The following ITGA8 variants were observed in gnomAD, a reference collection of about 807,000 sequenced individuals.
ITGA8 encodes the protein integrin alpha-8.
Under a neutral mutation model 142.3 loss-of-function variants are expected in ITGA8, and 91 were observed. That is an observed-to-expected ratio of 0.64 (90% CI 0.54 to 0.76). The LOEUF (loss-of-function observed/expected upper bound fraction) is 0.76, where lower values mean the gene tolerates loss of function less well. ITGA8 is among the 30% of genes least tolerant of loss of function. ITGA8 has a pLI of 0.00. For missense variants in ITGA8, 1,406 were observed against 1,327.7 expected (o/e 1.06, Z -0.92); for synonymous variants, 505 against 485.2 (o/e 1.04, Z -0.54).
At chr10:15,694,323 GATAATATATCATA>G (rs1416555572) in intron 2 of ITGA8, among the ~76,000 whole-genome samples, 17 of 124,806 alleles carry the variant, frequency 1.4e-4, no homozygotes, top group African/African-American at 5.2e-4. Flanking sequence ...TCATATATAT[GATAATATATCATA>G]TATCAGATAA....
At chr10:15,667,475 G>T in intron 8 of ITGA8, among the ~76,000 whole-genome samples, 1 of 151,904 alleles carries the variant, frequency 6.6e-6, no homozygotes, top group East Asian at 1.9e-4. Context: ...ACCAGCTCCT[G>T]GATTCATTAA....
chr10:15,675,015 TA>T (rs937330193), intron 6 of ITGA8, among the ~76,000 whole-genome samples: 8 of 152,008 alleles, frequency 5.3e-5, no homozygotes, highest in African/African-American at 1.9e-4. Flanking sequence ...TTTCTTCCAT[TA>T]AAAAAATTCC....
chr10:15,602,304 T>A (rs564601755), intron 20 of ITGA8, among the ~76,000 whole-genome samples: 1 of 152,350 alleles, frequency 6.6e-6, no homozygotes, highest in South Asian at 2.1e-4. Context: ...TTGTAGAGAT[T>A]TTATTATGAA....
chr10:15,550,431 C>G (rs778908068), intron 26 of ITGA8, among the ~76,000 whole-genome samples: 1 of 152,182 alleles, frequency 6.6e-6, no homozygotes, highest in African/African-American at 2.4e-5. Flanking sequence ...CTGTGTACCA[C>G]TAACCCTGCC....
intron 2 of ITGA8, among the ~76,000 whole-genome samples, chr10:15,696,178 G>C (rs1204249708): frequency 1.3e-5 from 2 of 152,232 alleles, no homozygotes; most frequent in Admixed American, 1.3e-4. Flanking sequence ...GAACGCAAAA[G>C]GACCAGTGGT....
chr10:15,627,892 C>T (rs4748189), intron 13 of ITGA8, among the ~76,000 whole-genome samples: 33,600 of 151,872 alleles, frequency 0.22, 3,975 homozygotes, highest in Admixed American at 0.32. Context: ...ATACAGGTCA[C>T]AAAGACCTTG....
chr10:15,552,698 G>A (rs1344018480), intron 26 of ITGA8, among the ~76,000 whole-genome samples: 1 of 151,928 alleles, frequency 6.6e-6, no homozygotes, highest in Non-Finnish European at 1.5e-5. Context: ...CCTCACCCCC[G>A]GGCAGGCCCC....
intron 2 of ITGA8, among the ~76,000 whole-genome samples, chr10:15,691,985 A>G (rs1007356573): frequency 1.3e-5 from 2 of 152,190 alleles, no homozygotes; most frequent in African/African-American, 4.8e-5. Flanking sequence ...TACCCAGGCT[A>G]GAATGCAGTG....
Position 15,718,861 on chromosome 10 carries a change from C to T in ITGA8, c.248G>A (p.Ser83Asn), listed in dbSNP as rs767952807. 13 of 1,613,996 alleles carry T rather than the reference C, an allele frequency of 8.1e-6. No homozygotes were observed. Among genetic ancestry groups the T allele is most frequent in the South Asian group, 1.1e-5 (1 of 91,074 alleles). ...VLVGAPKANTSQPDIVEGGAV... is the reference protein window; with the variant it reads ...VLVGAPKANTNQPDIVEGGAV... ...TCCCCCTTCCACGATATCGGGCTGG[C>T]TGGTGTTGGCTTTGGGCGCCCCCAC... Residue 83 changes from serine (S) to asparagine (N), a missense_variant, in exon 2 of 30, where the codon AGC becomes AAC. Transcript: ENST00000378076.
chr10:15,528,453 C>T (rs535778651), intron 28 of ITGA8, among the ~76,000 whole-genome samples: 58 of 151,834 alleles, frequency 3.8e-4, no homozygotes, highest in African/African-American at 1.4e-3. Context: ...GGATCTTTTC[C>T]CAATAACCTT....
At chr10:15,645,172 G>A (rs1456512547) in intron 12 of ITGA8, among the ~76,000 whole-genome samples, 3 of 150,986 alleles carry the variant, frequency 2.0e-5, no homozygotes, top group Non-Finnish European at 4.4e-5. Context: ...CTTGTGTCAG[G>A]CGAAAAGGAA....
intron 13 of ITGA8, among the ~76,000 whole-genome samples, chr10:15,626,596 T>C (rs1405767313): frequency 2.6e-5 from 4 of 152,122 alleles, no homozygotes; most frequent in Non-Finnish European, 4.4e-5. Context: ...TCGATTCCCT[T>C]GTCGTGAAAC....
Position 15,719,669 on chromosome 10 carries a change from CG to C in ITGA8, c.102del (p.Ala35ProfsTer106). On this transcript the variant is annotated frameshift_variant, in exon 1 of 30. Transcript: ENST00000378076. LOFTEE classifies it high-confidence loss of function. ...AAALGMLLWS[P>X]ACQAFNLDVE... ...ACGTCCAGGTTGAACGCCTGACAGG[CG>C]GGGGACCACAGCAACATCCCCAGCG... 1.3e-6 allele frequency: 2 copies of C among 1,505,968 alleles called. No individual in the cohort carries two copies. The highest frequency in any genetic ancestry group is 8.8e-7 in the Non-Finnish European group (1 of 1,137,928). 93.3% of individuals were successfully genotyped at this position (1,505,968 alleles called of 1,614,324 possible).
chr10:15,675,436 T>G (rs1564403896), intron 6 of ITGA8, among the ~76,000 whole-genome samples: 1 of 152,228 alleles, frequency 6.6e-6, no homozygotes, highest in Non-Finnish European at 1.5e-5. Context: ...AGGCTGCTTA[T>G]TTTGCCTCCA....
intron 21 of ITGA8, 39 bp from the exon 22 acceptor site, chr10:15,592,343 C>A: frequency 7.1e-7 from 1 of 1,412,804 alleles, no homozygotes. Flanking sequence ...GTAGCTTGTA[C>A]ACAACATAAA....
At chr10:15,646,421 AAC>A (rs1833981529) in intron 12 of ITGA8, among the ~76,000 whole-genome samples, 1 of 152,206 alleles carries the variant, frequency 6.6e-6, no homozygotes, top group Non-Finnish European at 1.5e-5. Flanking sequence ...AAAATGTAGT[AAC>A]ACCCTCAAAC....
At position 15,531,132 on chromosome 10, in the gene ITGA8, G is replaced by A. The variant is rs755327392; in HGVS notation, c.2900C>T (p.Ala967Val). ...TFLQRKNDPY[A>V]LASLVSFEVK... is the part of the protein sequence containing the mutation. Reference sequence around the variant, plus strand: ...TTCAAAGGACACCAGGGATGCAAGAGCATAGGGATCATTTTTTCTCTGAAA... The same window carrying A: ...TTCAAAGGACACCAGGGATGCAAGAACATAGGGATCATTTTTTCTCTGAAA... Residue 967 changes from alanine to valine, a missense_variant, in exon 28 of 30, where the codon GCT becomes GTT. Physicochemically the swap from Ala to Val is moderately conservative, Grantham distance 64. Coordinates refer to ENST00000378076, the MANE Select transcript of ITGA8 (RefSeq NM_003638.3). 3.9e-6 allele frequency: 6 copies of A among 1,520,514 alleles called. No homozygotes were observed. In the East Asian group the frequency reaches 1.5e-4, roughly 37 times the overall value. The allele number at this position is 1,520,514 out of a possible 1,614,324, so 94.2% of individuals were successfully genotyped here. A position where few individuals can be genotyped will look rare whatever the true frequency, so the allele number is the denominator to read the frequency against.
In ITGA8 at chr10:15,678,878, C is replaced by T. The variant is rs1160200859; in HGVS notation, c.569-95G>A. The T allele has an allele frequency of 7.4e-6, 5 of 678,204 alleles. No homozygotes were observed. The Admixed American group carries it at 1.2e-4, about 16-fold the overall frequency. 42.0% of individuals were successfully genotyped at this position (678,204 alleles called of 1,614,324 possible). On this transcript the variant is annotated intron_variant, in intron 4 of 29. Transcript: ENST00000378076. ...GGATATTATGTTATTTTCTCTAGAACCTTCTAAATTAAAAATGATCAATAT... is the reference window on the plus strand; with the variant it reads ...GGATATTATGTTATTTTCTCTAGAATCTTCTAAATTAAAAATGATCAATAT...
intron 18 of ITGA8, 54 bp from the exon 19 acceptor site, chr10:15,605,845 C>A: frequency 2.6e-6 from 4 of 1,527,006 alleles, no homozygotes; most frequent in Middle Eastern, 1.7e-4. Context: ...GATTCACATC[C>A]TTTTTCTTGA....
Sources: gnomAD v4.1 joint callset for allele counts (sites outside exome capture counted in the v4.1 genomes callset) on GRCh38, gnomAD v4.1.1 for gene constraint, MANE v1.5 for transcripts, NCBI Gene and HGNC (gene_info 2026-07-23, HGNC 2026-07-21) for gene names.